DIP2C: variants seen among roughly 807,000 people sequenced by gnomAD.
The protein encoded by DIP2C is disco-interacting protein 2 homolog C.
A neutral mutation model predicts 192.4 loss-of-function variants in DIP2C; 33 were observed. That is an observed-to-expected ratio of 0.17 (90% CI 0.13 to 0.23). The LOEUF is 0.23. Ranked by LOEUF, DIP2C falls within the 10% of genes least tolerant of loss-of-function variation. DIP2C has a pLI of 1.00. For missense variants in DIP2C, 1,537 were observed against 2,110.1 expected (o/e 0.73, Z 5.32); for synonymous variants, 979 against 864.1 (o/e 1.13, Z -2.33).
chr10:628,213 C>G (rs1854308389), intron 1 of DIP2C, among the ~76,000 whole-genome samples: 1 of 152,204 alleles, frequency 6.6e-6, no homozygotes, highest in Non-Finnish European at 1.5e-5. Context: ...TGACCTACCT[C>G]TCAGGCTGAG....
intron 14 of DIP2C, among the ~76,000 whole-genome samples, chr10:385,920 G>C (rs770779975): frequency 6.6e-6 from 1 of 152,196 alleles, no homozygotes; most frequent in Non-Finnish European, 1.5e-5. Context: ...ACTCTGCTGG[G>C]GGAGGTAAGG....
intron 16 of DIP2C, among the ~76,000 whole-genome samples, chr10:383,550 C>A (rs922545431): frequency 2.0e-5 from 3 of 152,186 alleles, no homozygotes; most frequent in African/African-American, 7.2e-5. Context: ...TGTGATAACG[C>A]AATTACATTT....
chr10:492,126 G>A (rs542854317), intron 1 of DIP2C, among the ~76,000 whole-genome samples: 3 of 152,272 alleles, frequency 2.0e-5, no homozygotes, highest in East Asian at 1.9e-4. Flanking sequence ...GACCCCAGAC[G>A]CCGCGGGCCC....
intron 1 of DIP2C, among the ~76,000 whole-genome samples, chr10:674,771 A>AATATAT (rs375454744): frequency 0.06 from 1,662 of 27,628 alleles, 114 homozygotes; most frequent in African/African-American, 0.076. Context: ...CTCCATCTCA[A>AATATAT]ATATATATAT....
intron 2 of DIP2C, among the ~76,000 whole-genome samples, chr10:485,679 A>C (rs936057507): frequency 5.3e-5 from 8 of 152,172 alleles, no homozygotes; most frequent in African/African-American, 9.7e-5. Context: ...TGCATCCTTA[A>C]ACCTTCTAAA....
intron 1 of DIP2C, among the ~76,000 whole-genome samples, chr10:511,107 T>A (rs1845984113): frequency 6.6e-6 from 1 of 152,230 alleles, no homozygotes; most frequent in Non-Finnish European, 1.5e-5. Flanking sequence ...GTTTCTGAAG[T>A]CGGTGTTTCT....
At chr10:357,280 C>T (rs528471773) in intron 23 of DIP2C, among the ~76,000 whole-genome samples, 10 of 152,306 alleles carry the variant, frequency 6.6e-5, no homozygotes, top group South Asian at 2.1e-4. Flanking sequence ...CGGCTTCTAA[C>T]GCCACTGTTA....
chr10:514,704 T>G (rs1213983627), intron 1 of DIP2C, among the ~76,000 whole-genome samples: 3 of 152,058 alleles, frequency 2.0e-5, no homozygotes, highest in Non-Finnish European at 4.4e-5. Context: ...AGGGACCTGG[T>G]CTTTCTGCAC....
At chr10:445,184 T>C (rs970721028) in intron 3 of DIP2C, among the ~76,000 whole-genome samples, 2 of 152,258 alleles carry the variant, frequency 1.3e-5, no homozygotes, top group African/African-American at 4.8e-5. Flanking sequence ...GGCATCTGTA[T>C]ACATCTGTTG....
intron 1 of DIP2C, among the ~76,000 whole-genome samples, chr10:592,169 TAATATA>T (rs1278444913): frequency 6.6e-6 from 1 of 152,172 alleles, no homozygotes; most frequent in African/African-American, 2.4e-5. Flanking sequence ...GGAAGCATAT[TAATATA>T]AAGTGAATTC....
At chr10:450,165 A>T (rs1968739341) in intron 3 of DIP2C, among the ~76,000 whole-genome samples, 1 of 152,202 alleles carries the variant, frequency 6.6e-6, no homozygotes, top group South Asian at 2.1e-4. Flanking sequence ...CCGACACAAG[A>T]GAGGTCCCAC....
intron 6 of DIP2C, among the ~76,000 whole-genome samples, chr10:417,314 G>A (rs936398242): frequency 9.2e-5 from 14 of 152,132 alleles, no homozygotes; most frequent in African/African-American, 2.2e-4. Context: ...ATGACACGCC[G>A]AGACAGCACA....
At chr10:393,433 G>A (rs1480887656) in intron 10 of DIP2C, among the ~76,000 whole-genome samples, 2 of 152,128 alleles carry the variant, frequency 1.3e-5, no homozygotes, top group Non-Finnish European at 2.9e-5. Flanking sequence ...ATGGCCAACA[G>A]GTCCATGAAA....
chr10:315,687 T>G (rs956500109), intron 31 of DIP2C, among the ~76,000 whole-genome samples: 6 of 152,206 alleles, frequency 3.9e-5, no homozygotes, highest in African/African-American at 1.4e-4. Flanking sequence ...CTGCCTGGAG[T>G]TGACTGAGCT....
At chr10:342,287 G>A (rs1401460806) in intron 28 of DIP2C, among the ~76,000 whole-genome samples, 2 of 152,058 alleles carry the variant, frequency 1.3e-5, no homozygotes, top group Non-Finnish European at 2.9e-5. Flanking sequence ...GCCTCCCAAG[G>A]AGCTGGGGTT....
intron 1 of DIP2C, among the ~76,000 whole-genome samples, chr10:678,444 C>T (rs1399600732): frequency 1.3e-5 from 2 of 152,078 alleles, no homozygotes; most frequent in African/African-American, 4.8e-5. Flanking sequence ...CAGCATCTGT[C>T]AGAGCAGAGG....
chr10:471,408 C>T (rs145433663), intron 3 of DIP2C, among the ~76,000 whole-genome samples: 3 of 152,146 alleles, frequency 2.0e-5, no homozygotes, highest in African/African-American at 4.8e-5. Context: ...GCTTCCTCGA[C>T]CACCAGGTGA....
At chr10:475,619 G>A (rs78888593) in intron 2 of DIP2C, among the ~76,000 whole-genome samples, 2,322 of 152,212 alleles carry the variant, frequency 0.015, 64 homozygotes, top group African/African-American at 0.053. Context: ...CTCCTAAGTG[G>A]AAATGTAAAG....
At chr10:467,610 T>G (rs1205946198) in intron 3 of DIP2C, among the ~76,000 whole-genome samples, 1 of 137,124 alleles carries the variant, frequency 7.3e-6, no homozygotes, top group Non-Finnish European at 1.6e-5. Context: ...TACCATGGAA[T>G]AGTATGCAGC....
Sources: gnomAD v4.1 joint callset for allele counts (sites outside exome capture counted in the v4.1 genomes callset) on GRCh38, gnomAD v4.1.1 for gene constraint, MANE v1.5 for transcripts, NCBI Gene and HGNC (gene_info 2026-07-23, HGNC 2026-07-21) for gene names.